PCDH9: variants seen among roughly 807,000 people sequenced by gnomAD.
The protein encoded by PCDH9 is protocadherin 9, also known as protocadherin-9.
PCDH9 carries 24 observed loss-of-function variants against 70.6 expected under a neutral mutation model. The observed-to-expected ratio is 0.34, with a 90% CI of 0.25 to 0.48. The LOEUF (loss-of-function observed/expected upper bound fraction) is 0.48. Ranked by LOEUF, PCDH9 falls within the 20% of genes least tolerant of loss-of-function variation. PCDH9 has a pLI of 0.99. For missense variants in PCDH9, 1,281 were observed against 1,503.6 expected (o/e 0.85, Z 2.45); for synonymous variants, 562 against 558.5 (o/e 1.01, Z -0.09).
At chr13:67,199,172 T>C (rs2138045992) in intron 2 of PCDH9, among the ~76,000 whole-genome samples, 1 of 151,702 alleles carries the variant, frequency 6.6e-6, no homozygotes, top group South Asian at 2.1e-4. Flanking sequence ...ATTCTATATC[T>C]AAGTGAATAT....
In PCDH9 at chr13:66,303,878, G is replaced by A. The variant is rs1376633202; in HGVS notation, c.*777C>T. The A allele has an allele frequency of 6.6e-6, 1 of 151,940 alleles. No individual in the cohort carries two copies. The highest frequency in any genetic ancestry group is 2.4e-5 in the African/African-American group (1 of 41,398). The allele number at this position is 151,940 out of a possible 1,614,324, so 9.4% of individuals were successfully genotyped here. A position where few individuals can be genotyped will look rare whatever the true frequency, so the allele number is the denominator to read the frequency against. ...TGTTTACAGAATTCCGGCATCATAA[G>A]CTATCATATGAGAAGCAAGATTTCA... On this transcript the variant is annotated 3_prime_UTR_variant, in exon 5 of 5. Coordinates refer to ENST00000377865, the MANE Select transcript of PCDH9 (RefSeq NM_203487.3).
At chr13:67,098,793 A>G (rs1428805038) in intron 2 of PCDH9, among the ~76,000 whole-genome samples, 2 of 152,194 alleles carry the variant, frequency 1.3e-5, no homozygotes, top group Non-Finnish European at 2.9e-5. Context: ...TAATGCAGAA[A>G]AGAAATAATG....
chr13:66,424,712 CA>C (rs1356883065), intron 4 of PCDH9, among the ~76,000 whole-genome samples: 3 of 151,782 alleles, frequency 2.0e-5, no homozygotes, highest in African/African-American at 7.3e-5. Context: ...CAAACAACAA[CA>C]GAAGAAAAAG....
At chr13:66,471,559 T>C (rs1033169043) in intron 4 of PCDH9, among the ~76,000 whole-genome samples, 2 of 152,162 alleles carry the variant, frequency 1.3e-5, no homozygotes, top group Admixed American at 1.3e-4. Context: ...ACCTAACACA[T>C]ATATCATATT....
chr13:66,747,349 T>TCAAAA (rs60690085), intron 3 of PCDH9, among the ~76,000 whole-genome samples: 301 of 147,344 alleles, frequency 2.0e-3, no homozygotes, highest in Middle Eastern at 7.0e-3. Context: ...AGACGCCATC[T>TCAAAA]CAAAACAAAA....
chr13:66,570,236 T>A (rs2076714527), intron 4 of PCDH9, among the ~76,000 whole-genome samples: 1 of 152,124 alleles, frequency 6.6e-6, no homozygotes, highest in African/African-American at 2.4e-5. Flanking sequence ...CAGATTATGG[T>A]TACCATGGAT....
chr13:66,984,811 G>A (rs565680633), intron 2 of PCDH9, among the ~76,000 whole-genome samples: 25 of 152,136 alleles, frequency 1.6e-4, no homozygotes, highest in Non-Finnish European at 2.1e-4. Context: ...AAGGAGATAT[G>A]TGTATATTTT....
intron 2 of PCDH9, among the ~76,000 whole-genome samples, chr13:67,098,691 A>C (rs1396132976): frequency 6.6e-6 from 1 of 152,180 alleles, no homozygotes; most frequent in Admixed American, 6.5e-5. Flanking sequence ...GTGTGGTTAA[A>C]AATATCATTG....
At chr13:66,334,864 G>A (rs1956009370) in intron 4 of PCDH9, among the ~76,000 whole-genome samples, 1 of 151,918 alleles carries the variant, frequency 6.6e-6, no homozygotes, top group South Asian at 2.1e-4. Flanking sequence ...ACCTGTAATT[G>A]TATATTACAA....
At chr13:66,600,732 G>A (rs1396011994) in intron 4 of PCDH9, among the ~76,000 whole-genome samples, 2 of 114,736 alleles carry the variant, frequency 1.7e-5, no homozygotes, top group African/African-American at 5.7e-5. Flanking sequence ...AAAAATGAAT[G>A]TATAATAACA....
chr13:66,967,750 G>C (rs1414739500), intron 2 of PCDH9, among the ~76,000 whole-genome samples: 1 of 151,994 alleles, frequency 6.6e-6, no homozygotes, highest in Non-Finnish European at 1.5e-5. Flanking sequence ...ATTTTAACCT[G>C]TTAAACTCTA....
rs575309196 is a variant in PCDH9 at position 66,844,104 on chromosome 13, A to C, written c.3138+59400T>G. On this transcript the variant is annotated intron_variant, in intron 3 of 4. Transcript: ENST00000377865. ...AAATCTGTGATTGAGTTCAGTTCTC[A>C]ATCTAGTTAATTTAGAGAGGAAACC... is the stretch of plus-strand genomic sequence containing the variant. Among the ~76,000 whole-genome samples the C allele has an allele frequency of 2.4e-4, 36 of 152,244 alleles. 1 individual carries two copies. The South Asian group carries it at 6.2e-3, about 26-fold the overall frequency.
At chr13:66,796,918 T>A (rs937912257) in intron 3 of PCDH9, among the ~76,000 whole-genome samples, 2 of 152,082 alleles carry the variant, frequency 1.3e-5, no homozygotes, top group Non-Finnish European at 2.9e-5. Flanking sequence ...CTGTGGCAGA[T>A]GAAGACTTTA....
rs1184996370 is a variant in PCDH9, at chr13:66,933,738, T to C, written c.3037-30133A>G. ...GCAAGGAAAAGTGTCATCAATCAAA[T>C]CTTAGAACCCCGTGAAGTGTCTTGG... is the stretch of plus-strand genomic sequence containing the variant. On this transcript the variant is annotated intron_variant, in intron 2 of 4. Coordinates refer to ENST00000377865, the MANE Select transcript of PCDH9 (RefSeq NM_203487.3). Among the ~76,000 whole-genome samples, 6 of 152,254 alleles carry C rather than the reference T, an allele frequency of 3.9e-5. 1 individual carries two copies. In the East Asian group the frequency reaches 1.2e-3, roughly 29 times the overall value.
intron 4 of PCDH9, among the ~76,000 whole-genome samples, chr13:66,592,369 C>A (rs1932889): frequency 0.78 from 118,878 of 151,514 alleles, 47,137 homozygotes; most frequent in East Asian, 0.91. Flanking sequence ...TATTCTATTT[C>A]ATGCTTTCCT....
At chr13:66,416,154 GT>G (rs983751573) in intron 4 of PCDH9, among the ~76,000 whole-genome samples, 4 of 151,904 alleles carry the variant, frequency 2.6e-5, no homozygotes, top group Admixed American at 1.3e-4. Flanking sequence ...TGTTTTGTTT[GT>G]TTTTTTCTGG....
chr13:66,516,421 T>A (rs1308402221), intron 4 of PCDH9, among the ~76,000 whole-genome samples: 1 of 152,058 alleles, frequency 6.6e-6, no homozygotes, highest in Non-Finnish European at 1.5e-5. Context: ...AAAATGTTAT[T>A]GTAAGCCTTT....
At chr13:66,745,117 G>A (rs1231885424) in intron 3 of PCDH9, among the ~76,000 whole-genome samples, 1 of 152,108 alleles carries the variant, frequency 6.6e-6, no homozygotes, top group East Asian at 1.9e-4. Context: ...CACTCATAAG[G>A]ATGTTTTGAA....
At chr13:66,833,683 T>A (rs1001687337) in intron 3 of PCDH9, among the ~76,000 whole-genome samples, 3 of 152,248 alleles carry the variant, frequency 2.0e-5, no homozygotes, top group Non-Finnish European at 4.4e-5. Flanking sequence ...CATTTCTCCC[T>A]ATTTCTTCCT....
Sources: allele counts gnomAD v4.1 joint callset (sites outside exome capture counted in the v4.1 genomes callset), GRCh38; gene constraint gnomAD v4.1.1; transcripts MANE v1.5; gene names NCBI Gene and HGNC (gene_info 2026-07-23, HGNC 2026-07-21).